Variants in GRIK4 observed in about 807,000 individuals in gnomAD.
GRIK4 encodes the protein glutamate receptor ionotropic, kainate 4.
In GRIK4, 40 loss-of-function variants were observed where a neutral mutation model predicts 104.9. That is an observed-to-expected ratio of 0.38 (90% CI 0.30 to 0.50). The LOEUF (loss-of-function observed/expected upper bound fraction) is 0.50. GRIK4 is among the 20% of genes least tolerant of loss of function. The pLI is 0.93. For synonymous variants in GRIK4, 485 were observed against 524.9 expected (o/e 0.92, Z 1.04); for missense variants, 1,047 against 1,308.1 (o/e 0.80, Z 3.08).
At chr11:120,965,793 A>G (rs1467820728) in intron 18 of GRIK4, among the ~76,000 whole-genome samples, 4 of 152,198 alleles carry the variant, frequency 2.6e-5, no homozygotes, top group African/African-American at 4.8e-5. Context: ...CCCCAGGCCT[A>G]CTGAATCAGA....
At chr11:120,671,814 T>C (rs965375767) in intron 3 of GRIK4, among the ~76,000 whole-genome samples, 5 of 152,246 alleles carry the variant, frequency 3.3e-5, no homozygotes, top group African/African-American at 1.2e-4. Context: ...GCCTATGTCC[T>C]GAATGGTATT....
At chr11:120,757,205 T>C (rs1175347825) in intron 3 of GRIK4, among the ~76,000 whole-genome samples, 4 of 152,066 alleles carry the variant, frequency 2.6e-5, no homozygotes, top group African/African-American at 7.2e-5. Context: ...AAGCAGCCTC[T>C]AGGGAGATAA....
At chr11:120,665,691 T>C (rs549067386) in intron 3 of GRIK4, among the ~76,000 whole-genome samples, 1 of 152,300 alleles carries the variant, frequency 6.6e-6, no homozygotes, top group African/African-American at 2.4e-5. Context: ...TGTCAGCCCA[T>C]AAAATACATA....
intron 6 of GRIK4, among the ~76,000 whole-genome samples, chr11:120,822,404 G>A (rs2135547864): frequency 6.6e-6 from 1 of 152,124 alleles, no homozygotes; most frequent in East Asian, 1.9e-4. Flanking sequence ...TTAGTAAGTG[G>A]TAGAGCTTGG....
At chr11:120,596,829 A>G (rs1166058386) in intron 1 of GRIK4, among the ~76,000 whole-genome samples, 1 of 151,778 alleles carries the variant, frequency 6.6e-6, no homozygotes, top group African/African-American at 2.4e-5. Context: ...GGTTCAAGTG[A>G]TTCTCCTGCC....
At chr11:120,812,724 G>T (rs1952854915) in intron 4 of GRIK4, among the ~76,000 whole-genome samples, 2 of 152,210 alleles carry the variant, frequency 1.3e-5, no homozygotes, top group Admixed American at 1.3e-4. Context: ...ACAGAACTGA[G>T]TGTGAGATGC....
intron 20 of GRIK4, among the ~76,000 whole-genome samples, chr11:120,983,848 T>A (rs1459429154): frequency 6.6e-6 from 1 of 152,236 alleles, no homozygotes; most frequent in Non-Finnish European, 1.5e-5. Context: ...TCCCTGTGCT[T>A]GACATGCAGT....
chr11:120,836,728 C>T, intron 7 of GRIK4, 63 bp from the exon 8 acceptor site: 1 of 1,032,058 alleles, frequency 9.7e-7, no homozygotes, highest in East Asian at 2.4e-5. Context: ...GGAACCCCTA[C>T]TGCTCATTTG....
At chr11:120,861,937 T>C (rs1331901202) in intron 8 of GRIK4, 22 bp from the exon 9 acceptor site, 8 of 1,599,624 alleles carry the variant, frequency 5.0e-6, no homozygotes, top group African/African-American at 1.3e-5. Flanking sequence ...ACATTCTTAT[T>C]TCTGATGCTG....
At chr11:120,979,014 G>A (rs1046769103) in intron 19 of GRIK4, among the ~76,000 whole-genome samples, 1 of 152,240 alleles carries the variant, frequency 6.6e-6, no homozygotes, top group African/African-American at 2.4e-5. Context: ...ATTGCATGGG[G>A]TGAAGATTGA....
At chr11:120,733,737 T>C (rs1442796700) in intron 3 of GRIK4, among the ~76,000 whole-genome samples, 2 of 141,276 alleles carry the variant, frequency 1.4e-5, no homozygotes, top group Admixed American at 1.4e-4. Flanking sequence ...TCTTTCTCCC[T>C]TTTTTTTTTT....
intron 11 of GRIK4, among the ~76,000 whole-genome samples, chr11:120,891,663 AG>A (rs1285000035): frequency 6.6e-6 from 1 of 152,188 alleles, no homozygotes; most frequent in African/African-American, 2.4e-5. Context: ...GGGCAGTCAA[AG>A]CTGGCCATGA....
At chr11:120,529,138 C>T (rs903793575) in intron 1 of GRIK4, among the ~76,000 whole-genome samples, 1 of 147,414 alleles carries the variant, frequency 6.8e-6, no homozygotes, top group Non-Finnish European at 1.5e-5. Context: ...CCCACCCCGA[C>T]CCTCATGTGC....
chr11:120,695,666 T>C (rs61902686), intron 3 of GRIK4, among the ~76,000 whole-genome samples: 16,456 of 152,214 alleles, frequency 0.11, 942 homozygotes, highest in South Asian at 0.15. Flanking sequence ...GCCTTGTTAG[T>C]GAGGCTGAGG....
intron 7 of GRIK4, among the ~76,000 whole-genome samples, chr11:120,834,119 G>A (rs1953508331): frequency 6.6e-6 from 1 of 152,172 alleles, no homozygotes; most frequent in Non-Finnish European, 1.5e-5. Context: ...TGAGTTAAAG[G>A]TACGCATGCT....
chr11:120,612,744 G>A (rs770610746), intron 1 of GRIK4, among the ~76,000 whole-genome samples: 9 of 152,174 alleles, frequency 5.9e-5, no homozygotes, highest in Non-Finnish European at 1.3e-4. Context: ...TCATTATCGG[G>A]CTACTTTGTG....
intron 3 of GRIK4, among the ~76,000 whole-genome samples, chr11:120,720,128 A>G (rs1319402098): frequency 6.6e-6 from 1 of 152,074 alleles, no homozygotes; most frequent in Non-Finnish European, 1.5e-5. Context: ...AATGTGGAGC[A>G]GGTTGTGTGT....
chr11:120,662,884 G>C (rs55707795), intron 3 of GRIK4, among the ~76,000 whole-genome samples: 20 of 152,154 alleles, frequency 1.3e-4, no homozygotes, highest in Admixed American at 6.5e-5. Flanking sequence ...TGTTTGGAAA[G>C]AGGTGGCCGA....
At chr11:120,948,333 G>T (rs1044796565) in intron 14 of GRIK4, among the ~76,000 whole-genome samples, 3 of 152,198 alleles carry the variant, frequency 2.0e-5, no homozygotes, top group African/African-American at 7.2e-5. Context: ...GCTGGGAGGG[G>T]ATAGAGTTTC....
Sources: allele counts gnomAD v4.1 joint callset (sites outside exome capture counted in the v4.1 genomes callset), GRCh38; gene constraint gnomAD v4.1.1; transcripts MANE v1.5; gene names NCBI Gene and HGNC (gene_info 2026-07-23, HGNC 2026-07-21).